SDK1: variants seen among roughly 807,000 people sequenced by gnomAD.
SDK1 encodes sidekick cell adhesion molecule 1.
SDK1 carries 157 observed loss-of-function variants against 245.5 expected under a neutral mutation model. The ratio of observed to expected loss-of-function variants is 0.64; its 90% CI spans 0.56 to 0.73. The LOEUF (loss-of-function observed/expected upper bound fraction) is 0.73, where lower values mean the gene tolerates loss of function less well. Among genes scored for constraint, SDK1 ranks in the 30% least tolerant of loss-of-function variants. The pLI is 0.00. For missense variants in SDK1, 3,583 were observed against 3,002.3 expected, an observed-to-expected ratio of 1.19 and a Z score of -4.52; for synonymous variants, 1,647 against 1,278.5, an observed-to-expected ratio of 1.29 and a Z score of -6.15.
chr7:3,434,423 C>T (rs1388317664), intron 1 of SDK1, among the ~76,000 whole-genome samples: 1 of 152,194 alleles, frequency 6.6e-6, no homozygotes, highest in African/African-American at 2.4e-5. Context: ...GTGGTTTACC[C>T]TGAGGAAGTT....
At chr7:4,204,327 G>A (rs1158609736) in intron 35 of SDK1, among the ~76,000 whole-genome samples, 2 of 152,144 alleles carry the variant, frequency 1.3e-5, no homozygotes, top group African/African-American at 4.8e-5. Context: ...TGTTTAATGG[G>A]GCGGTAAATA....
intron 4 of SDK1, among the ~76,000 whole-genome samples, chr7:3,662,086 T>C (rs1468394801): frequency 6.6e-6 from 1 of 150,860 alleles, no homozygotes; most frequent in Non-Finnish European, 1.5e-5. Context: ...CAAGGAAATC[T>C]TGCAGAGAAA....
intron 4 of SDK1, among the ~76,000 whole-genome samples, chr7:3,770,452 T>C (rs80326087): frequency 1.0e-3 from 152 of 152,338 alleles, no homozygotes; most frequent in African/African-American, 3.6e-3. Flanking sequence ...TTCATTTATC[T>C]GAGATAAAAA....
intron 1 of SDK1, among the ~76,000 whole-genome samples, chr7:3,518,857 G>T (rs1023639544): frequency 3.3e-5 from 5 of 151,996 alleles, no homozygotes; most frequent in African/African-American, 7.3e-5. Flanking sequence ...TGTGTTTATT[G>T]TAGCACTGTT....
chr7:3,733,187 A>G (rs1397842860), intron 4 of SDK1, among the ~76,000 whole-genome samples: 1 of 152,210 alleles, frequency 6.6e-6, no homozygotes, highest in Non-Finnish European at 1.5e-5. Flanking sequence ...AAGTCTTTAA[A>G]GAATATTTTA....
chr7:3,914,123 T>C (rs1779284885), intron 5 of SDK1, among the ~76,000 whole-genome samples: 1 of 152,232 alleles, frequency 6.6e-6, no homozygotes, highest in African/African-American at 2.4e-5. Context: ...TGCAAACCCA[T>C]TTGCAGCTTT....
At chr7:3,953,332 G>C (rs891268418) in intron 7 of SDK1, among the ~76,000 whole-genome samples, 11 of 152,098 alleles carry the variant, frequency 7.2e-5, no homozygotes, top group African/African-American at 2.2e-4. Context: ...CAAACCTGTC[G>C]GTCCCTCTGA....
At chr7:3,612,337 TTATC>T (rs2128642500) in intron 1 of SDK1, among the ~76,000 whole-genome samples, 1 of 152,334 alleles carries the variant, frequency 6.6e-6, no homozygotes, top group African/African-American at 2.4e-5. Context: ...ACATATCTAG[TTATC>T]TATTTAAACC....
Position 4,067,902 on chromosome 7 carries a change from G to A in SDK1, c.2976G>A (p.Trp992Ter). 6.2e-7 allele frequency: 1 copy of A among 1,613,098 alleles called. No individual in the cohort carries two copies. Among genetic ancestry groups the A allele is most frequent in the Non-Finnish European group, 8.5e-7 (1 of 1,179,594 alleles). Reference sequence around the variant, plus strand: ...TGGACACATCTCTCAAGGTCAGCTGGCAGGAGCCCCTGGAGAAAAATGGCA... The same window carrying A: ...TGGACACATCTCTCAAGGTCAGCTGACAGGAGCCCCTGGAGAAAAATGGCA... ...EILDTSLKVS[W>*]QEPLEKNGII... The change falls in exon 20 of 45, where the codon TGG becomes TGA. Residue 992 changes from tryptophan (W) to a stop codon, truncating the protein, a stop_gained. Transcript: ENST00000404826. LOFTEE classifies it high-confidence loss of function.
intron 35 of SDK1, among the ~76,000 whole-genome samples, chr7:4,191,217 G>A (rs920642784): frequency 1.3e-5 from 2 of 150,586 alleles, no homozygotes; most frequent in African/African-American, 4.9e-5. Flanking sequence ...CCGCAGTCAC[G>A]GTGGGTGTCC....
chr7:4,201,264 C>T (rs760042892), intron 35 of SDK1, among the ~76,000 whole-genome samples: 1 of 152,172 alleles, frequency 6.6e-6, no homozygotes, highest in African/African-American at 2.4e-5. Context: ...GAAGGCCTCC[C>T]GAGCTGCAGA....
chr7:3,665,405 C>G (rs1179743250), intron 4 of SDK1, among the ~76,000 whole-genome samples: 2 of 152,204 alleles, frequency 1.3e-5, no homozygotes, highest in African/African-American at 4.8e-5. Context: ...TTTAGTCCTG[C>G]TCTAGCCTCT....
rs1023468603 is a variant in SDK1, at chr7:3,570,514, T to C, written c.299-48566T>C. Among the ~76,000 whole-genome samples, 7 of 152,168 alleles carry C rather than the reference T, an allele frequency of 4.6e-5. No homozygotes were observed. The East Asian group carries it at 1.3e-3, about 29-fold the overall frequency. ...CCCTGCCTTAACTAAGGGATCCCTT[T>C]CCCCCAACTCTTCTCTGCATCTTGC... On this transcript the variant is annotated intron_variant, in intron 1 of 44. Transcript: ENST00000404826.
intron 1 of SDK1, among the ~76,000 whole-genome samples, chr7:3,556,176 C>A (rs114411559): frequency 1.3e-5 from 2 of 152,068 alleles, no homozygotes; most frequent in African/African-American, 4.8e-5. Context: ...AAGTGTTCTT[C>A]AGCAGATGAA....
chr7:3,981,151 C>A (rs930870254), intron 13 of SDK1, among the ~76,000 whole-genome samples: 6 of 152,132 alleles, frequency 3.9e-5, no homozygotes, highest in African/African-American at 1.4e-4. Flanking sequence ...GGAATTCTCA[C>A]AATGTTTCAA....
chr7:3,351,371 C>T (rs1479964127), intron 1 of SDK1, among the ~76,000 whole-genome samples: 1 of 152,112 alleles, frequency 6.6e-6, no homozygotes, highest in Non-Finnish European at 1.5e-5. Flanking sequence ...TGGACCTTAA[C>T]ACCACTGTCT....
chr7:3,425,249 A>G (rs1403601999), intron 1 of SDK1, among the ~76,000 whole-genome samples: 5 of 151,980 alleles, frequency 3.3e-5, no homozygotes, highest in South Asian at 2.1e-4. Context: ...TTATCTTCCT[A>G]TGGCACTGAT....
At chr7:4,056,140 G>A (rs1287317502) in intron 19 of SDK1, among the ~76,000 whole-genome samples, 3 of 148,628 alleles carry the variant, frequency 2.0e-5, no homozygotes. Flanking sequence ...AGAGAAAACT[G>A]GAAATAATCT....
intron 1 of SDK1, among the ~76,000 whole-genome samples, chr7:3,536,668 T>G (rs1487833385): frequency 6.6e-6 from 1 of 151,444 alleles, no homozygotes; most frequent in East Asian, 1.9e-4. Flanking sequence ...CACTCCAGCC[T>G]GGGCAACAGA....
Sources: allele counts gnomAD v4.1 joint callset (sites outside exome capture counted in the v4.1 genomes callset), GRCh38; gene constraint gnomAD v4.1.1; transcripts MANE v1.5; gene names NCBI Gene and HGNC (gene_info 2026-07-23, HGNC 2026-07-21).